Variants in KCNQ1OT1 observed in about 807,000 individuals in gnomAD.
KCNQ1OT1 encodes KCNQ1 antisense RNA 2 (non-protein coding).
At chr11:2,681,235 G>A (rs1035237500) in exon 1 of KCNQ1OT1, 41 of 398,488 alleles carry the variant, frequency 1.0e-4, no homozygotes, top group Non-Finnish European at 1.1e-4. Context: ...GAAGGAAGCA[G>A]GAGAGTATTC....
chr11:2,660,077 C>A (rs1021121831), exon 1 of KCNQ1OT1: 6 of 398,226 alleles, frequency 1.5e-5, no homozygotes, highest in African/African-American at 1.0e-4. Flanking sequence ...TTTTCTCTTA[C>A]GAGTTAAACT....
chr11:2,648,832 T>C (rs1380865142), exon 1 of KCNQ1OT1: 2 of 398,380 alleles, frequency 5.0e-6, no homozygotes, highest in African/African-American at 2.1e-5. Flanking sequence ...ATTATTGTAT[T>C]GGGGTCTATC....
At chr11:2,630,507 G>A in exon 1 of KCNQ1OT1, 3 of 398,186 alleles carry the variant, frequency 7.5e-6, no homozygotes, top group Non-Finnish European at 1.3e-5. Context: ...TATTTTTGAT[G>A]CCCCAAGGTA....
exon 1 of KCNQ1OT1, chr11:2,639,117 A>G (rs1376936681): frequency 6.6e-6 from 1 of 152,176 alleles, no homozygotes; most frequent in African/African-American, 2.4e-5. Flanking sequence ...CCATTCGTCT[A>G]ATCTTTTTTC....
In KCNQ1OT1 at chr11:2,675,920, AAC is replaced by A. The variant is rs754120635; in HGVS notation, n.24073_24074del. 262 of 398,668 alleles carry A rather than the reference AAC, an allele frequency of 6.6e-4. No homozygotes were observed. Among genetic ancestry groups the A allele is most frequent in the Non-Finnish European group, 1.0e-3 (227 of 226,068 alleles). The allele number at this position is 398,668 out of a possible 1,614,324, so 24.7% of individuals were successfully genotyped here. A position where few individuals can be genotyped will look rare whatever the true frequency, so the allele number is the denominator to read the frequency against. On this transcript the variant is annotated non_coding_transcript_exon_variant, in exon 1 of 1. Coordinates refer to ENST00000597346, the Ensembl canonical transcript of KCNQ1OT1. ...AAGGGTTGTGCTACAAAAATCATAC[AAC>A]AGTCTTTACACACATGGTAAAACCA... is the stretch of plus-strand genomic sequence containing the variant.
At chr11:2,610,280 A>T (rs1010936282) in exon 1 of KCNQ1OT1, 1 of 397,992 alleles carries the variant, frequency 2.5e-6, no homozygotes, top group Non-Finnish European at 4.4e-6. Flanking sequence ...GTATGAGTTT[A>T]TTCAGTTTTA....
At chr11:2,619,185 T>C (rs1849121119) in exon 1 of KCNQ1OT1, 1 of 398,574 alleles carries the variant, frequency 2.5e-6, no homozygotes, top group Non-Finnish European at 4.4e-6. Context: ...CTTGTCTGTT[T>C]GGTTGTACTA....
At position 2,661,415 on chromosome 11, in the gene KCNQ1OT1, T is replaced by C. The variant is rs117134350; in HGVS notation, n.38580A>G. Reference sequence around the variant, plus strand: ...CTGTTGGAGGGACTCCTGTGCCTCATTGGGGGTACAACTGGTTGATGTAGC... The same window carrying C: ...CTGTTGGAGGGACTCCTGTGCCTCACTGGGGGTACAACTGGTTGATGTAGC... On this transcript the variant is annotated non_coding_transcript_exon_variant, in exon 1 of 1. Transcript: ENST00000597346. The surrounding 1 kb of genome is among the most constrained non-coding windows in gnomAD (Gnocchi z 5.9). The C allele has an allele frequency of 5.6e-3, 2,312 of 414,560 alleles. 21 individuals are homozygous for C. The highest frequency in any genetic ancestry group is 0.016 in the Middle Eastern group (26 of 1,642). 25.7% of individuals were successfully genotyped at this position (414,560 alleles called of 1,614,324 possible). A position where few individuals can be genotyped will look rare whatever the true frequency, so the allele number is the denominator to read the frequency against.
rs1265685297 is a variant in KCNQ1OT1 at position 2,612,622 on chromosome 11, A to G, written n.87373T>C. ...TTCTATCTCTATATTGATATTATCT[A>G]TTTGATGAGTCTTTGTCATCACACT... On this transcript the variant is annotated non_coding_transcript_exon_variant, in exon 1 of 1. Coordinates refer to ENST00000597346, the Ensembl canonical transcript of KCNQ1OT1. This position sits in a 1 kb window ranked among gnomAD's most constrained non-coding sequence, Gnocchi z 5.5. 20 of 398,434 alleles carry G rather than the reference A, an allele frequency of 5.0e-5. No homozygotes were observed. The East Asian group carries it at 7.1e-4, about 14-fold the overall frequency. 24.7% of individuals were successfully genotyped at this position (398,434 alleles called of 1,614,324 possible).
chr11:2,697,065 CATA>C (rs1350383685), exon 1 of KCNQ1OT1: 2 of 398,384 alleles, frequency 5.0e-6, no homozygotes, highest in Admixed American at 4.4e-5. Flanking sequence ...AAAACATTTT[CATA>C]ATAATACTCG....
chr11:2,665,027 G>C (rs1461595490), exon 1 of KCNQ1OT1: 35 of 398,624 alleles, frequency 8.8e-5, no homozygotes, highest in Non-Finnish European at 1.3e-5. Flanking sequence ...AGGTGGGGTG[G>C]GGGGTGAGCA....
chr11:2,685,696 C>T (rs901026740), exon 1 of KCNQ1OT1: 5 of 398,520 alleles, frequency 1.3e-5, no homozygotes, highest in Admixed American at 8.8e-5. Context: ...TTCAGGCCTT[C>T]GGTCTGGGAC....
Position 2,654,398 on chromosome 11 carries a change from T to C in KCNQ1OT1, n.45597A>G, listed in dbSNP as rs1849804797. The stretch of plus-strand genomic sequence containing the variant: ...AGTAGGCTGGCTCAGGGAACTCGCC[T>C]GTGCCAAACCCTGGGGAGACATGGG... On this transcript the variant is annotated non_coding_transcript_exon_variant, in exon 1 of 1. Coordinates refer to ENST00000597346, the Ensembl canonical transcript of KCNQ1OT1. The surrounding 1 kb of genome is among the most constrained non-coding windows in gnomAD (Gnocchi z 6.4). The C allele has an allele frequency of 2.5e-6, 1 of 398,558 alleles. No individual in the cohort carries two copies. Among genetic ancestry groups the C allele is most frequent in the South Asian group, 1.3e-4 (1 of 7,844 alleles). The allele number at this position is 398,558 out of a possible 1,614,324, so 24.7% of individuals were successfully genotyped here.
rs147619994 is a variant in KCNQ1OT1, at chr11:2,617,375, A to T, written n.82620T>A. The T allele has an allele frequency of 2.1e-3, 825 of 398,454 alleles. 8 individuals carry two copies. Among genetic ancestry groups the T allele is most frequent in the African/African-American group, 0.015 (709 of 48,738 alleles). The allele number at this position is 398,454 out of a possible 1,614,324, so 24.7% of individuals were successfully genotyped here. A position where few individuals can be genotyped will look rare whatever the true frequency, so the allele number is the denominator to read the frequency against. ...TATTTAACTTAGCACAATGTCTTCC[A>T]GTTTCATCCATGTGGCAAGTGGCAG... On this transcript the variant is annotated non_coding_transcript_exon_variant, in exon 1 of 1. Transcript: ENST00000597346. This position sits in a 1 kb window ranked among gnomAD's most constrained non-coding sequence, Gnocchi z 4.6.
exon 1 of KCNQ1OT1, chr11:2,646,818 A>G (rs1326062210): frequency 2.5e-6 from 1 of 398,448 alleles, no homozygotes; most frequent in African/African-American, 2.1e-5. Flanking sequence ...GTCCACACCT[A>G]CTAATTTTTG....
In KCNQ1OT1 at chr11:2,657,191, C is replaced by G; in HGVS notation, n.42804G>C. On this transcript the variant is annotated non_coding_transcript_exon_variant, in exon 1 of 1. Coordinates refer to ENST00000597346, the Ensembl canonical transcript of KCNQ1OT1. This position sits in a 1 kb window ranked among gnomAD's most constrained non-coding sequence, Gnocchi z 4.8. ...ACCTTGTTCTTCTTCAAGAATATTG[C>G]CAATTCTTGGCTTTTTGCACTTCCA... is the stretch of plus-strand genomic sequence containing the variant. The G allele has an allele frequency of 7.5e-6, 3 of 398,620 alleles. No homozygotes were observed. The Admixed American group carries it at 1.3e-4, about 18-fold the overall frequency. 24.7% of individuals were successfully genotyped at this position (398,620 alleles called of 1,614,324 possible).
chr11:2,625,866 GC>G (rs1849253899), exon 1 of KCNQ1OT1: 1 of 398,498 alleles, frequency 2.5e-6, no homozygotes. Context: ...ACCGTGCCTG[GC>G]CCTTTTGCCC....
In KCNQ1OT1 at chr11:2,653,869, G is replaced by A; in HGVS notation, n.46126C>T. 2.5e-6 allele frequency: 1 copy of A among 398,648 alleles called. No individual in the cohort carries two copies. 24.7% of individuals were successfully genotyped at this position (398,648 alleles called of 1,614,324 possible). A position where few individuals can be genotyped will look rare whatever the true frequency, so the allele number is the denominator to read the frequency against. ...AGGGTACCTAAACACTGCACACTAG[G>A]AGTGGGAAAGGAAGAGCCCCCTAAG... On this transcript the variant is annotated non_coding_transcript_exon_variant, in exon 1 of 1. Coordinates refer to ENST00000597346, the Ensembl canonical transcript of KCNQ1OT1. The surrounding 1 kb of genome is among the most constrained non-coding windows in gnomAD (Gnocchi z 5.3).
chr11:2,689,161 A>G, exon 1 of KCNQ1OT1: 1 of 398,744 alleles, frequency 2.5e-6, no homozygotes. Flanking sequence ...AGGTGGCTCA[A>G]GGGCCTGCTC....
Sources: gnomAD v4.1 joint callset for allele counts on GRCh38, gnomAD v4.1.1 for gene constraint, Gnocchi (gnomAD v3.1) non-coding constraint, MANE v1.5 for transcripts, NCBI Gene and HGNC (gene_info 2026-07-23, HGNC 2026-07-21) for gene names.